The following LARGE1 variants were observed in gnomAD, a reference collection of about 807,000 sequenced individuals.
LARGE1 encodes xylosyl- and glucuronyltransferase LARGE1.
In LARGE1, 43 loss-of-function variants were observed where a neutral mutation model predicts 87.6. That is an observed-to-expected ratio of 0.49 (90% CI 0.38 to 0.63). LARGE1 has a LOEUF of 0.63. Among genes scored for constraint, LARGE1 ranks in the 30% least tolerant of loss-of-function variants. The pLI, the probability that LARGE1 is intolerant of heterozygous loss-of-function variation, is 0.00. For synonymous variants in LARGE1, 434 were observed against 394.6 expected (o/e 1.10, Z -1.18); for missense variants, 802 against 1,000.2 (o/e 0.80, Z 2.67).
rs111680449 is a variant in LARGE1, at chr22:33,700,662, A to G, written c.107-49994T>C. The stretch of plus-strand genomic sequence containing the variant: ...GGAGAGGCACAGTCCCTCTCCCCCA[A>G]ATGCTGGTGGCCTGGAGGCGGTGTC... On this transcript the variant is annotated intron_variant, in intron 2 of 14. Coordinates refer to ENST00000397394, the MANE Select transcript of LARGE1 (RefSeq NM_133642.5). Among the ~76,000 whole-genome samples the G allele has an allele frequency of 6.6e-3, 1,002 of 152,226 alleles. 9 individuals are homozygous for G. The highest frequency in any genetic ancestry group is 0.023 in the African/African-American group (972 of 41,540).
At chr22:33,116,654 C>T in the LARGE1 span, among the ~76,000 whole-genome samples, 1 of 152,128 alleles carries the variant, frequency 6.6e-6, no homozygotes, top group Admixed American at 6.5e-5. Context: ...TGAGCCACCG[C>T]GCCCAGCTCC....
At chr22:33,785,596 C>G (rs1361412697) in intron 1 of LARGE1, among the ~76,000 whole-genome samples, 1 of 152,014 alleles carries the variant, frequency 6.6e-6, no homozygotes, top group East Asian at 1.9e-4. Flanking sequence ...AAAAAAGAAA[C>G]AAACAAAACT....
At chr22:33,480,673 C>A (rs1323366868) in intron 6 of LARGE1, among the ~76,000 whole-genome samples, 1 of 151,966 alleles carries the variant, frequency 6.6e-6, no homozygotes, top group Non-Finnish European at 1.5e-5. Flanking sequence ...AAAAAAATTC[C>A]TTTCATAAAA....
At chr22:33,710,225 T>C (rs1427646762) in intron 2 of LARGE1, among the ~76,000 whole-genome samples, 1 of 150,776 alleles carries the variant, frequency 6.6e-6, no homozygotes, top group Non-Finnish European at 1.5e-5. Flanking sequence ...GAATGCAGAA[T>C]AATGTAATAC....
intron 11 of LARGE1, among the ~76,000 whole-genome samples, chr22:33,189,802 A>G (rs1923681342): frequency 1.3e-5 from 2 of 152,200 alleles, no homozygotes. Context: ...AGCAAGGAAT[A>G]TTCATCGCAA....
the LARGE1 span, among the ~76,000 whole-genome samples, chr22:33,091,841 A>C: frequency 6.6e-6 from 1 of 152,172 alleles, no homozygotes. Flanking sequence ...CTGGCACCTC[A>C]TAGAGGTTCA....
chr22:33,546,967 C>T (rs1331762975), intron 6 of LARGE1, among the ~76,000 whole-genome samples: 5 of 152,176 alleles, frequency 3.3e-5, no homozygotes, highest in Admixed American at 6.5e-5. Flanking sequence ...TAAATCAACT[C>T]GTAATAGTGG....
At chr22:33,668,673 T>C (rs1169116911) in intron 2 of LARGE1, among the ~76,000 whole-genome samples, 1 of 151,908 alleles carries the variant, frequency 6.6e-6, no homozygotes, top group Non-Finnish European at 1.5e-5. Context: ...GAAGAGAGAG[T>C]GATTGTGCCC....
intron 11 of LARGE1, among the ~76,000 whole-genome samples, chr22:33,206,090 G>T (rs1924668369): frequency 6.6e-6 from 1 of 151,892 alleles, no homozygotes; most frequent in South Asian, 2.1e-4. Context: ...GAGTAGCTGG[G>T]ACTACAGGCG....
rs944681644 is a variant in LARGE1, at chr22:33,512,654, T to A, written c.787+52194A>T. 3.3e-5 allele frequency among the ~76,000 whole-genome samples: 5 copies of A among 152,132 alleles called. No individual in the cohort carries two copies. The East Asian group carries it at 9.7e-4, about 30-fold the overall frequency. ...CCCATCTCTACTAAAATACAAAAATTTAGCCGGGAGTGGTGGCAGGCGCCT... is the reference window on the plus strand; with the variant it reads ...CCCATCTCTACTAAAATACAAAAATATAGCCGGGAGTGGTGGCAGGCGCCT... On this transcript the variant is annotated intron_variant, in intron 6 of 14. Coordinates refer to ENST00000397394, the MANE Select transcript of LARGE1 (RefSeq NM_133642.5).
intron 3 of LARGE1, among the ~76,000 whole-genome samples, chr22:33,642,431 A>G (rs1412023982): frequency 1.3e-5 from 2 of 152,178 alleles, no homozygotes; most frequent in African/African-American, 4.8e-5. Flanking sequence ...CTGCAAAAAC[A>G]TACCAAATTA....
chr22:33,074,032 C>T, the LARGE1 span, among the ~76,000 whole-genome samples: 8 of 152,274 alleles, frequency 5.3e-5, no homozygotes, highest in South Asian at 8.3e-4. Context: ...TTATTGTCTG[C>T]TCATTCTGGT....
intron 1 of LARGE1, among the ~76,000 whole-genome samples, chr22:33,812,162 T>G (rs2086516790): frequency 6.6e-6 from 1 of 152,192 alleles, no homozygotes; most frequent in Admixed American, 6.5e-5. Flanking sequence ...ACTCATTTAT[T>G]TTCCCACTCA....
intron 9 of LARGE1, among the ~76,000 whole-genome samples, chr22:33,374,438 A>G (rs1458828459): frequency 6.6e-6 from 1 of 152,224 alleles, no homozygotes; most frequent in Non-Finnish European, 1.5e-5. Flanking sequence ...AAGCACTAAG[A>G]TTCCACGTAA....
chr22:33,683,264 A>C (rs558720249), intron 2 of LARGE1, among the ~76,000 whole-genome samples: 34 of 152,322 alleles, frequency 2.2e-4, no homozygotes, highest in African/African-American at 7.0e-4. Flanking sequence ...CAATCAATTG[A>C]AGATCTGAGT....
chr22:33,503,709 A>G (rs1260177564), intron 6 of LARGE1, among the ~76,000 whole-genome samples: 2 of 151,088 alleles, frequency 1.3e-5, no homozygotes, highest in Non-Finnish European at 2.9e-5. Context: ...TGAGGCAGGA[A>G]AATTGCTTGA....
At chr22:33,387,392 C>T (rs1488109409) in intron 7 of LARGE1, among the ~76,000 whole-genome samples, 1 of 145,008 alleles carries the variant, frequency 6.9e-6, no homozygotes, top group African/African-American at 2.6e-5. Context: ...GCACCACTGT[C>T]CTCCAGTGGG....
intron 2 of LARGE1, among the ~76,000 whole-genome samples, chr22:33,674,511 G>A (rs531695313): frequency 1.7e-4 from 26 of 152,250 alleles, no homozygotes; most frequent in African/African-American, 5.8e-4. Flanking sequence ...AGACTAAGGC[G>A]AAACTCTTTT....
intron 9 of LARGE1, among the ~76,000 whole-genome samples, chr22:33,340,835 C>G (rs1040301724): frequency 6.6e-6 from 1 of 151,888 alleles, no homozygotes; most frequent in African/African-American, 2.4e-5. Context: ...TGCTGGTAAA[C>G]ATGGGAGCTA....
Sources: gnomAD v4.1 joint callset for allele counts (sites outside exome capture counted in the v4.1 genomes callset) on GRCh38, gnomAD v4.1.1 for gene constraint, MANE v1.5 for transcripts, NCBI Gene and HGNC (gene_info 2026-07-23, HGNC 2026-07-21) for gene names.